The following BCL9 variants were observed in gnomAD, a reference collection of about 807,000 sequenced individuals.
BCL9 encodes BCL9 transcription coactivator.
A neutral mutation model predicts 88.5 loss-of-function variants in BCL9; 25 were observed. The observed-to-expected ratio is 0.28, with a 90% confidence interval of 0.21 to 0.39. The LOEUF (loss-of-function observed/expected upper bound fraction) is 0.39, where lower values mean the gene tolerates loss of function less well. Ranked by LOEUF, BCL9 falls within the 10% of genes least tolerant of loss-of-function variation. The pLI, the probability that BCL9 is intolerant of heterozygous loss-of-function variation, is 1.00. For synonymous variants in BCL9, 711 were observed against 673.3 expected (o/e 1.06, Z -0.87); for missense variants, 1,817 against 1,877.8 (o/e 0.97, Z 0.60).
At chr1:147,570,676 C>T (rs1308073410) in intron 1 of BCL9, among the ~76,000 whole-genome samples, 8 of 104,358 alleles carry the variant, frequency 7.7e-5, no homozygotes, top group African/African-American at 3.1e-4. Context: ...GCTCTTGTTG[C>T]ATAGGCTGGT....
intron 1 of BCL9, among the ~76,000 whole-genome samples, chr1:147,596,719 A>G (rs1657074113): frequency 6.6e-6 from 1 of 152,118 alleles, no homozygotes; most frequent in Non-Finnish European, 1.5e-5. Flanking sequence ...GGCCGAGATT[A>G]GACTGACTTT....
rs1345454131 is a variant in BCL9 at position 147,624,196 on chromosome 1, G to A, written c.3518G>A (p.Gly1173Glu). The change falls in exon 10 of 10, where the codon GGA (glycine) becomes GAA (glutamate). Residue 1173 changes from glycine to glutamate, a missense_variant. Around this residue, in one of 2 missense-constraint regions of BCL9, gnomAD observed 589 missense variants for 686.2 expected, o/e 0.86. Coordinates refer to ENST00000234739, the MANE Select transcript of BCL9 (RefSeq NM_004326.4). The surrounding 1 kb of genome is among the most constrained non-coding windows in gnomAD (Gnocchi z 4.4). ...TTCCCAGGAGGGATGGGTTTCCCAG[G>A]AGAAGGCCCCCTTGGCCGCCCCAGC... is the stretch of plus-strand genomic sequence containing the variant. Reference protein sequence around the residue: ...GSFPGGMGFPGEGPLGRPSNL... With the variant: ...GSFPGGMGFPEEGPLGRPSNL... 13 of 1,609,106 alleles carry A rather than the reference G, an allele frequency of 8.1e-6. No homozygotes were observed. The highest frequency in any genetic ancestry group is 1.1e-5 in the Non-Finnish European group (13 of 1,176,704).
intron 1 of BCL9, among the ~76,000 whole-genome samples, chr1:147,570,630 C>CTTTTCTTT (rs1357272075): frequency 0.01 from 153 of 15,060 alleles, 27 homozygotes; most frequent in African/African-American, 0.019. Flanking sequence ...GACTGATTTT[C>CTTTTCTTT]TTTTTTTTCT....
At chr1:147,585,366 C>T (rs781952201) in intron 1 of BCL9, among the ~76,000 whole-genome samples, 1 of 152,064 alleles carries the variant, frequency 6.6e-6, no homozygotes, top group Non-Finnish European at 1.5e-5. Context: ...TGCCAAGAGA[C>T]GGACCTCAGG....
rs1229982440 is a variant in BCL9 at position 147,619,951 on chromosome 1, T to A, written c.1796T>A (p.Ile599Asn). Reference sequence around the variant, plus strand: ...AGTTGGCCAGATGATGTGCCAAAAATCCCAGATGGTCGAAATTTTCCTCCT... The same window carrying A: ...AGTTGGCCAGATGATGTGCCAAAAAACCCAGATGGTCGAAATTTTCCTCCT... The part of the protein sequence containing the change: ...GVSWPDDVPK[I>N]PDGRNFPPGQ... Residue 599 changes from isoleucine to asparagine, a missense_variant, in exon 8 of 10, where the codon ATC becomes AAC. Physicochemically the swap from Ile to Asn is moderately radical, Grantham distance 149. This residue lies in a region of BCL9 where 1,228 missense variants were observed against 1,191.6 expected (regional missense o/e 1.03). Coordinates refer to ENST00000234739, the MANE Select transcript of BCL9 (RefSeq NM_004326.4). This position sits in a 1 kb window ranked among gnomAD's most constrained non-coding sequence, Gnocchi z 4.1. The A allele has an allele frequency of 8.1e-6, 13 of 1,614,030 alleles. No individual in the cohort carries two copies. Among genetic ancestry groups the A allele is most frequent in the African/African-American group, 2.7e-5 (2 of 74,898 alleles).
chr1:147,555,650 A>G (rs1553195350), intron 1 of BCL9, among the ~76,000 whole-genome samples: 3 of 152,142 alleles, frequency 2.0e-5, no homozygotes, highest in African/African-American at 7.2e-5. Flanking sequence ...TTCCTATTAG[A>G]CTTCTGAGTC....
At chr1:147,551,803 C>A (rs1654915579) in intron 1 of BCL9, among the ~76,000 whole-genome samples, 1 of 152,190 alleles carries the variant, frequency 6.6e-6, no homozygotes, top group African/African-American at 2.4e-5. Context: ...AAATAAATTT[C>A]TTTTCTTTAT....
chr1:147,606,654 A>G (rs1195380931), intron 2 of BCL9, 130 bp from the exon 3 acceptor site: 1 of 152,214 alleles, frequency 6.6e-6, no homozygotes, highest in Non-Finnish European at 1.5e-5. Context: ...GTGGGGGATG[A>G]CAGCTTCGTC....
chr1:147,597,367 C>A (rs1657100719), intron 1 of BCL9, among the ~76,000 whole-genome samples: 1 of 152,186 alleles, frequency 6.6e-6, no homozygotes, highest in African/African-American at 2.4e-5. Flanking sequence ...GAGTGCTCAT[C>A]ATTATGAGAA....
At chr1:147,541,937 A>G (rs1654339920) in intron 1 of BCL9, among the ~76,000 whole-genome samples, 1 of 147,038 alleles carries the variant, frequency 6.8e-6, no homozygotes, top group African/African-American at 2.5e-5. Flanking sequence ...TGAGGGTGGG[A>G]GGGAAAAGAG....
chr1:147,597,971 G>C (rs1446233859), intron 1 of BCL9, among the ~76,000 whole-genome samples: 1 of 152,206 alleles, frequency 6.6e-6, no homozygotes, highest in Non-Finnish European at 1.5e-5. Context: ...GTTTTAATGA[G>C]TTTGTTTTGA....
intron 1 of BCL9, among the ~76,000 whole-genome samples, chr1:147,559,087 T>A (rs1473044519): frequency 6.6e-6 from 1 of 152,130 alleles, no homozygotes; most frequent in African/African-American, 2.4e-5. Flanking sequence ...ATTTGTCTTG[T>A]TAGAATTGAT....
intron 1 of BCL9, among the ~76,000 whole-genome samples, chr1:147,577,449 A>G (rs1254945286): frequency 6.6e-6 from 1 of 152,058 alleles, no homozygotes; most frequent in East Asian, 1.9e-4. Context: ...GTCTGAGTAG[A>G]GTGTGATTTT....
rs1237295505 is a variant in BCL9, at chr1:147,619,901, A to G, written c.1746A>G (p.Ala582=). The change falls in exon 8 of 10, where the codon GCA becomes GCG. Residue 582 remains alanine (A), a synonymous_variant. Coordinates refer to ENST00000234739, the MANE Select transcript of BCL9 (RefSeq NM_004326.4). This position sits in a 1 kb window ranked among gnomAD's most constrained non-coding sequence, Gnocchi z 4.1. ...EMEGPNVPNP[A]SRPGLSGVSW... is the part of the protein sequence containing the mutation. The stretch of plus-strand genomic sequence containing the variant: ...AAGGGCCGAATGTCCCCAACCCTGC[A>G]TCTAGACCAGGTCTTTCTGGAGTCA... 15 of 1,614,210 alleles carry G rather than the reference A, an allele frequency of 9.3e-6. No homozygotes were observed. The highest frequency in any genetic ancestry group is 6.6e-5 in the South Asian group (6 of 91,088).
rs587729398 is a variant in BCL9, at chr1:147,548,532, A to G, written c.-478+6858A>G. On this transcript the variant is annotated intron_variant, in intron 1 of 9. Coordinates refer to ENST00000234739, the MANE Select transcript of BCL9 (RefSeq NM_004326.4). ...CACCTCCTAGACTGGGTATGCACTT[A>G]TGTGGCTCTTATCATACTGCACTAG... Among the ~76,000 whole-genome samples, 53 of 152,292 alleles carry G rather than the reference A, an allele frequency of 3.5e-4. No homozygotes were observed. The South Asian group carries it at 3.9e-3, about 11-fold the overall frequency.
chr1:147,541,877 C>G (rs1302178880), intron 1 of BCL9, among the ~76,000 whole-genome samples: 1 of 138,942 alleles, frequency 7.2e-6, no homozygotes, highest in Non-Finnish European at 1.5e-5. Flanking sequence ...ATCTGTGCCT[C>G]TGGGTTGGTG....
In BCL9 at chr1:147,619,018, C is replaced by A; in HGVS notation, c.863C>A (p.Ser288Tyr). ...SPGVENKLIP[S>Y]VGSPASSTPL... ...GGGGTAGAAAACAAACTGATTCCTT[C>A]TGTAGGAAGTCCTGCCAGCTCCACT... The change falls in exon 8 of 10, where the codon TCT becomes TAT. Residue 288 changes from serine (S) to tyrosine (Y), a missense_variant. Transcript: ENST00000234739. The surrounding 1 kb of genome is among the most constrained non-coding windows in gnomAD (Gnocchi z 4.1). 6.2e-7 allele frequency: 1 copy of A among 1,610,010 alleles called. No individual in the cohort carries two copies. The highest frequency in any genetic ancestry group is 1.1e-5 in the South Asian group (1 of 90,514).
At chr1:147,600,015 T>G (rs1290893908) in intron 1 of BCL9, among the ~76,000 whole-genome samples, 1 of 86,848 alleles carries the variant, frequency 1.2e-5, no homozygotes, top group Admixed American at 1.5e-4. Flanking sequence ...GTCGGGCCGG[T>G]GGGGAGGGGG....
intron 1 of BCL9, among the ~76,000 whole-genome samples, chr1:147,604,248 C>T (rs1553201669): frequency 6.6e-6 from 1 of 152,180 alleles, no homozygotes; most frequent in Non-Finnish European, 1.5e-5. Flanking sequence ...TCCCGTCCCC[C>T]AGGTCTATCC....
Sources: allele counts gnomAD v4.1 joint callset (sites outside exome capture counted in the v4.1 genomes callset), GRCh38; gene constraint gnomAD v4.1.1; regional missense constraint gnomAD v4.1.1; non-coding constraint Gnocchi (gnomAD v3.1); transcripts MANE v1.5; gene names NCBI Gene and HGNC (gene_info 2026-07-23, HGNC 2026-07-21).